Variants in FAM135B observed in about 807,000 individuals in gnomAD.
The protein encoded by FAM135B is family with sequence similarity 135 member B.
Under a neutral mutation model 127.7 loss-of-function variants are expected in FAM135B, and 43 were observed. That is an observed-to-expected ratio of 0.34 (90% CI 0.26 to 0.43). The LOEUF (loss-of-function observed/expected upper bound fraction) is 0.43. Ranked by LOEUF, FAM135B falls within the 20% of genes least tolerant of loss-of-function variation. FAM135B has a pLI of 1.00. For missense variants in FAM135B, 1,558 were observed against 1,725.6 expected, an observed-to-expected ratio of 0.90 and a Z score of 1.72; for synonymous variants, 670 against 665.1, an observed-to-expected ratio of 1.01 and a Z score of -0.11.
chr8:138,182,761 A>G (rs1034439809), intron 9 of FAM135B, among the ~76,000 whole-genome samples: 1 of 152,224 alleles, frequency 6.6e-6, no homozygotes, highest in African/African-American at 2.4e-5. Context: ...CCTGCTTTAC[A>G]TTCCATGAAC....
intron 3 of FAM135B, among the ~76,000 whole-genome samples, chr8:138,306,728 G>A (rs748086844): frequency 5.9e-5 from 9 of 151,976 alleles, no homozygotes; most frequent in Non-Finnish European, 1.3e-4. Context: ...GACTACAGGT[G>A]TGCACCACCA....
intron 7 of FAM135B, among the ~76,000 whole-genome samples, chr8:138,202,390 C>T (rs763838636): frequency 2.0e-5 from 3 of 152,108 alleles, no homozygotes; most frequent in Non-Finnish European, 2.9e-5. Context: ...GCTGGGACTA[C>T]AGGCATGCAC....
chr8:138,335,639 T>C (rs943570794), intron 2 of FAM135B, among the ~76,000 whole-genome samples: 32 of 152,046 alleles, frequency 2.1e-4, no homozygotes, highest in Non-Finnish European at 4.0e-4. Flanking sequence ...AGACTTAGGC[T>C]CCCAAACAAT....
chr8:138,337,859 T>C (rs1175501346), intron 2 of FAM135B, among the ~76,000 whole-genome samples: 3 of 152,144 alleles, frequency 2.0e-5, no homozygotes, highest in Non-Finnish European at 4.4e-5. Flanking sequence ...CTTCAAACTA[T>C]ACTGCAAGGC....
At chr8:138,412,696 G>A (rs952679676) in intron 1 of FAM135B, among the ~76,000 whole-genome samples, 8 of 152,182 alleles carry the variant, frequency 5.3e-5, no homozygotes, top group African/African-American at 1.9e-4. Context: ...AGAGGGCAAT[G>A]GAACAATGGA....
intron 13 of FAM135B, among the ~76,000 whole-genome samples, chr8:138,149,136 A>AAAATAAAT (rs148497404): frequency 7.8e-6 from 1 of 127,708 alleles, no homozygotes; most frequent in African/African-American, 3.2e-5. Flanking sequence ...TAATAATAAA[A>AAAATAAAT]AAATAAATAA....
intron 3 of FAM135B, among the ~76,000 whole-genome samples, chr8:138,273,407 T>C (rs1457104173): frequency 1.3e-5 from 2 of 152,190 alleles, no homozygotes; most frequent in Non-Finnish European, 2.9e-5. Context: ...TGTTTCACCA[T>C]GTTAGTCAGG....
At chr8:138,283,994 A>G (rs111314498) in intron 3 of FAM135B, among the ~76,000 whole-genome samples, 1,533 of 152,128 alleles carry the variant, frequency 0.01, 38 homozygotes, top group African/African-American at 0.035. Context: ...AAAACTGAGC[A>G]TGCATATGTG....
At chr8:138,257,232 G>A (rs1323645839) in intron 4 of FAM135B, among the ~76,000 whole-genome samples, 2 of 152,114 alleles carry the variant, frequency 1.3e-5, no homozygotes, top group African/African-American at 2.4e-5. Context: ...CATTGCCCAC[G>A]TGTCCAGAGG....
intron 12 of FAM135B, among the ~76,000 whole-genome samples, chr8:138,154,566 T>C (rs1398816431): frequency 6.6e-6 from 1 of 152,054 alleles, no homozygotes; most frequent in Non-Finnish European, 1.5e-5. Flanking sequence ...GACAAATGGC[T>C]AACTAGAATA....
At chr8:138,271,819 G>T (rs1333965709) in intron 3 of FAM135B, among the ~76,000 whole-genome samples, 1 of 152,064 alleles carries the variant, frequency 6.6e-6, no homozygotes, top group Non-Finnish European at 1.5e-5. Flanking sequence ...ATTGCAAATT[G>T]CTCAATTAAA....
At chr8:138,325,058 C>G (rs1053063944) in intron 2 of FAM135B, among the ~76,000 whole-genome samples, 1 of 152,132 alleles carries the variant, frequency 6.6e-6, no homozygotes, top group African/African-American at 2.4e-5. Flanking sequence ...TTCTTTCTTT[C>G]TCATTTTAGA....
intron 2 of FAM135B, among the ~76,000 whole-genome samples, chr8:138,350,187 C>T (rs1176912281): frequency 6.6e-6 from 1 of 152,156 alleles, no homozygotes; most frequent in Non-Finnish European, 1.5e-5. Context: ...GAAGTTTCCT[C>T]ATTCTCATGA....
rs1346561514 is a variant in FAM135B at position 138,243,487 on chromosome 8, T to C, written c.543-419A>G. 6.6e-6 allele frequency among the ~76,000 whole-genome samples: 1 copy of C among 152,146 alleles called. No homozygotes were observed. Among genetic ancestry groups the C allele is most frequent in the African/African-American group, 2.4e-5 (1 of 41,420 alleles). On this transcript the variant is annotated intron_variant, in intron 6 of 19. Coordinates refer to ENST00000395297, the MANE Select transcript of FAM135B (RefSeq NM_015912.4). This position sits in a 1 kb window ranked among gnomAD's most constrained non-coding sequence, Gnocchi z 7.5. ...AACTCCTCCCTCCCTGGACCTCTTT[T>C]CTTCTGTGGAAAAGCATAAAACATC... is the stretch of plus-strand genomic sequence containing the variant.
chr8:138,303,351 T>C (rs1370322548), intron 3 of FAM135B, among the ~76,000 whole-genome samples: 2 of 152,010 alleles, frequency 1.3e-5, no homozygotes, highest in African/African-American at 4.8e-5. Flanking sequence ...AACCAAACAC[T>C]GCATGCTCTC....
At chr8:138,293,538 C>A (rs929216560) in intron 3 of FAM135B, among the ~76,000 whole-genome samples, 1 of 151,948 alleles carries the variant, frequency 6.6e-6, no homozygotes, top group Admixed American at 6.6e-5. Flanking sequence ...CTACAAGGAG[C>A]TCAAACAAAT....
At chr8:138,167,016 A>T (rs940208647) in intron 12 of FAM135B, among the ~76,000 whole-genome samples, 1 of 151,968 alleles carries the variant, frequency 6.6e-6, no homozygotes, top group Non-Finnish European at 1.5e-5. Context: ...GCACTCACAC[A>T]TACCCACACT....
At chr8:138,377,932 C>A (rs1462713208) in intron 1 of FAM135B, among the ~76,000 whole-genome samples, 2 of 152,206 alleles carry the variant, frequency 1.3e-5, no homozygotes, top group Non-Finnish European at 1.5e-5. Context: ...CTCAGTGTTC[C>A]AGGCAAACAA....
intron 2 of FAM135B, among the ~76,000 whole-genome samples, chr8:138,335,362 T>G (rs368746765): frequency 7.2e-5 from 11 of 152,302 alleles, no homozygotes; most frequent in African/African-American, 2.4e-4. Flanking sequence ...TTAAAAGAGT[T>G]GTGCAATATG....
Sources: gnomAD v4.1 joint callset for allele counts (sites outside exome capture counted in the v4.1 genomes callset) on GRCh38, gnomAD v4.1.1 for gene constraint, Gnocchi (gnomAD v3.1) non-coding constraint, MANE v1.5 for transcripts, NCBI Gene and HGNC (gene_info 2026-07-23, HGNC 2026-07-21) for gene names.